The following NRAP variants were observed in gnomAD, a reference collection of about 807,000 sequenced individuals.
NRAP encodes the protein nebulin related anchoring protein.
NRAP carries 189 observed loss-of-function variants against 225.9 expected under a neutral mutation model. The observed-to-expected ratio is 0.84, with a 90% CI of 0.74 to 0.94. The LOEUF (loss-of-function observed/expected upper bound fraction) is 0.94, where lower values mean the gene tolerates loss of function less well. Among genes scored for constraint, NRAP ranks in the 40% least tolerant of loss-of-function variants. NRAP has a pLI of 0.00. For synonymous variants in NRAP, 769 were observed against 790.7 expected, an observed-to-expected ratio of 0.97 and a Z score of 0.46; for missense variants, 2,176 against 2,168.7, an observed-to-expected ratio of 1.00 and a Z score of -0.07.
chr10:113,592,505 G>T (rs2295845), intron 38 of NRAP, among the ~76,000 whole-genome samples: 1 of 104,878 alleles, frequency 9.5e-6, no homozygotes, highest in Non-Finnish European at 2.0e-5. Flanking sequence ...CCCCCAACCC[G>T]CCCACCCATT....
intron 9 of NRAP, among the ~76,000 whole-genome samples, chr10:113,649,211 T>G (rs1039474466): frequency 6.6e-6 from 1 of 152,244 alleles, no homozygotes. Flanking sequence ...TATGAGCATA[T>G]GCCTAACTAT....
chr10:113,662,581 C>T, intron 3 of NRAP, 98 bp downstream of exon 3: 1 of 759,862 alleles, frequency 1.3e-6, no homozygotes, highest in Non-Finnish European at 2.3e-6. Flanking sequence ...AGCCACTGTG[C>T]CTGGCTAGAA....
At chr10:113,635,761 C>G (rs545846362) in intron 14 of NRAP, among the ~76,000 whole-genome samples, 1 of 152,312 alleles carries the variant, frequency 6.6e-6, no homozygotes, top group Non-Finnish European at 1.5e-5. Context: ...TATCTGAAAT[C>G]CAGGTAAAAG....
rs1483574659 is a variant in NRAP, at chr10:113,588,719, G to T, written c.*256C>A. The T allele has an allele frequency of 9.1e-6, 5 of 546,538 alleles. No homozygotes were observed. Among genetic ancestry groups the T allele is most frequent in the Non-Finnish European group, 1.6e-5 (5 of 310,804 alleles). The allele number at this position is 546,538 out of a possible 1,614,324, so 33.9% of individuals were successfully genotyped here. ...AGACTCCAGAATCCCCAGCATCAGC[G>T]GGAACCACCATCACATCTTTATTCC... On this transcript the variant is annotated 3_prime_UTR_variant, in exon 42 of 42. Coordinates refer to ENST00000359988, the MANE Select transcript of NRAP (RefSeq NM_198060.4).
chr10:113,642,446 A>T (rs1241063972), intron 12 of NRAP, among the ~76,000 whole-genome samples: 1 of 152,154 alleles, frequency 6.6e-6, no homozygotes, highest in East Asian at 1.9e-4. Context: ...GATGTCCATG[A>T]GGATACATCT....
rs1366491250 is a variant in NRAP, at chr10:113,651,198, A to C, written c.675+605T>G. 2.0e-5 allele frequency among the ~76,000 whole-genome samples: 3 copies of C among 152,258 alleles called. No individual in the cohort carries two copies. In the East Asian group the frequency reaches 5.8e-4, roughly 29 times the overall value. On this transcript the variant is annotated intron_variant, in intron 7 of 41. Coordinates refer to ENST00000359988, the MANE Select transcript of NRAP (RefSeq NM_198060.4). ...AGCCCAACCATCCTTGACCTCAGGAATTTCTTCTTGTTACCCATGCAGGAC... is the reference window on the plus strand; with the variant it reads ...AGCCCAACCATCCTTGACCTCAGGACTTTCTTCTTGTTACCCATGCAGGAC...
chr10:113,600,464 C>A (rs1846535549), intron 35 of NRAP, among the ~76,000 whole-genome samples: 1 of 152,112 alleles, frequency 6.6e-6, no homozygotes, highest in African/African-American at 2.4e-5. Context: ...CAGGTGTGAG[C>A]CACCATGCCC....
At position 113,597,176 on chromosome 10, in the gene NRAP, G is replaced by T. The variant is rs878921867; in HGVS notation, c.4341C>A (p.Tyr1447Ter). The T allele has an allele frequency of 3.1e-6, 5 of 1,604,244 alleles. No individual in the cohort carries two copies. In the African/African-American group the frequency reaches 6.7e-5, roughly 21 times the overall value. The change falls in exon 37 of 42, where the codon TAC becomes TAA. Residue 1447 changes from tyrosine (Y) to a stop codon, truncating the protein, a stop_gained. Coordinates refer to ENST00000359988, the MANE Select transcript of NRAP (RefSeq NM_198060.4). LOFTEE classifies it high-confidence loss of function. The part of the protein sequence containing the change: ...KAGELISETK[Y>*]RKKPDSIKFT... ...ACTTGATACTGTCTGGTTTTTTACG[G>T]TACTTGGTCTATAAGATAAAGACAA...
Position 113,615,798 on chromosome 10 carries a change from C to T in NRAP, c.2992G>A (p.Gly998Arg), listed in dbSNP as rs759942553. 11 of 1,601,224 alleles carry T rather than the reference C, an allele frequency of 6.9e-6. No individual in the cohort carries two copies. Among genetic ancestry groups the T allele is most frequent in the African/African-American group, 1.3e-5 (1 of 74,872 alleles). Reference protein sequence around the residue: ...QAVDRLYREQGENIKHHYTPT... With the variant: ...QAVDRLYREQRENIKHHYTPT... ...GTGTAATGATGCTTTATGTTTTCTC[C>T]TTGTTCCCTGTATAATCTCTGTGGA... The change falls in exon 27 of 42, where the codon GGA becomes AGA. Residue 998 changes from glycine to arginine, a missense_variant. Physicochemically the swap from Gly to Arg is moderately radical, Grantham distance 125. Coordinates refer to ENST00000359988, the MANE Select transcript of NRAP (RefSeq NM_198060.4).
intron 20 of NRAP, among the ~76,000 whole-genome samples, chr10:113,628,253 T>A (rs1848390273): frequency 6.6e-6 from 1 of 152,178 alleles, no homozygotes; most frequent in Non-Finnish European, 1.5e-5. Context: ...AGTGGCACGA[T>A]CTCGGTTCAC....
chr10:113,599,163 C>T lies in NRAP; in HGVS notation c.4228-1090G>A, dbSNP rs552774709. Among the ~76,000 whole-genome samples, 6 of 152,288 alleles carry T rather than the reference C, an allele frequency of 3.9e-5. No individual in the cohort carries two copies. In the South Asian group the frequency reaches 1.2e-3, roughly 32 times the overall value. On this transcript the variant is annotated intron_variant, in intron 35 of 41. Coordinates refer to ENST00000359988, the MANE Select transcript of NRAP (RefSeq NM_198060.4). ...GCAAAATATCACTCCAGAAATCAGC[C>T]TCTCAGCCTTTTTAGTTCTCTTTCA...
chr10:113,647,760 A>G (rs1295983294), intron 9 of NRAP, among the ~76,000 whole-genome samples: 1 of 151,986 alleles, frequency 6.6e-6, no homozygotes, highest in Non-Finnish European at 1.5e-5. Context: ...GGAGTATTAA[A>G]CAATGTTTGT....
intron 30 of NRAP, among the ~76,000 whole-genome samples, chr10:113,611,039 T>C (rs1847289339): frequency 6.6e-6 from 1 of 152,094 alleles, no homozygotes; most frequent in Non-Finnish European, 1.5e-5. Flanking sequence ...TGAGTTCGTG[T>C]GGGTGGGGGC....
intron 23 of NRAP, 93 bp from the exon 24 acceptor site, chr10:113,622,273 T>C (rs961030243): frequency 5.2e-5 from 41 of 791,244 alleles, no homozygotes; most frequent in African/African-American, 5.2e-4. Context: ...AACAAAGCCA[T>C]TGGACAGAAT....
intron 25 of NRAP, among the ~76,000 whole-genome samples, chr10:113,619,738 C>T (rs1847882241): frequency 6.6e-6 from 1 of 151,996 alleles, no homozygotes; most frequent in Non-Finnish European, 1.5e-5. Flanking sequence ...ACTCTGAAGA[C>T]AACTAGGCAA....
chr10:113,616,051 C>T (rs1159814065), intron 26 of NRAP, among the ~76,000 whole-genome samples: 2 of 152,132 alleles, frequency 1.3e-5, no homozygotes, highest in African/African-American at 4.8e-5. Context: ...TCAGTGAACG[C>T]CCCACTCATA....
At chr10:113,636,608 G>A (rs934063347) in intron 14 of NRAP, among the ~76,000 whole-genome samples, 2 of 152,182 alleles carry the variant, frequency 1.3e-5, no homozygotes, top group African/African-American at 2.4e-5. Context: ...CAAATAGGGC[G>A]TACAGAAGCC....
At chr10:113,652,843 G>A in intron 6 of NRAP, 92 bp downstream of exon 6, 1 of 815,832 alleles carries the variant, frequency 1.2e-6, no homozygotes, top group Non-Finnish European at 2.1e-6. Context: ...CTTCCCCAAA[G>A]CACTCTCTTA....
In NRAP at chr10:113,612,474, T is replaced by A. The variant is rs769337254; in HGVS notation, c.3301-43A>T. On this transcript the variant is annotated intron_variant, in intron 29 of 41. Transcript: ENST00000359988. Reference sequence around the variant, plus strand: ...GCAACAGCAGCTATTTCAAAGCCACTATTTGCAACAGGACCATCAGGGAGG... The same window carrying A: ...GCAACAGCAGCTATTTCAAAGCCACAATTTGCAACAGGACCATCAGGGAGG... 4 of 1,538,508 alleles carry A rather than the reference T, an allele frequency of 2.6e-6. No homozygotes were observed. In the Admixed American group the frequency reaches 6.7e-5, roughly 26 times the overall value.
Sources: allele counts gnomAD v4.1 joint callset (sites outside exome capture counted in the v4.1 genomes callset), GRCh38; gene constraint gnomAD v4.1.1; transcripts MANE v1.5; gene names NCBI Gene and HGNC (gene_info 2026-07-23, HGNC 2026-07-21).